Variants in VAV3 observed in about 807,000 individuals in gnomAD.
The protein encoded by VAV3 is vav guanine nucleotide exchange factor 3, also known as guanine nucleotide exchange factor VAV3.
Under a neutral mutation model 131.2 loss-of-function variants are expected in VAV3, and 94 were observed. That is an observed-to-expected ratio of 0.72 (90% confidence interval 0.61 to 0.85). The LOEUF is 0.85. Ranked by LOEUF, VAV3 falls within the 40% of genes least tolerant of loss-of-function variation. The probability of loss-of-function intolerance (pLI) is 0.00; values close to 1 mark genes in which losing one functional copy is unlikely to be tolerated. For missense variants in VAV3, 939 were observed against 1,002.7 expected (o/e 0.94, Z 0.86); for synonymous variants, 349 against 342.0 (o/e 1.02, Z -0.22).
intron 2 of VAV3, among the ~76,000 whole-genome samples, chr1:107,798,718 CAAAAAAAAAAAAAA>C (rs57288177): frequency 2.4e-4 from 12 of 49,534 alleles, no homozygotes; most frequent in South Asian, 1.1e-3. Context: ...GACTCCCTCT[CAAAAAAAAAAAAAA>C]AAAAAAAAAA....
intron 1 of VAV3, among the ~76,000 whole-genome samples, chr1:107,891,838 C>CCA (rs1491265304): frequency 3.9e-4 from 11 of 27,924 alleles, no homozygotes; most frequent in African/African-American, 1.2e-3. Context: ...GACTCCGTCT[C>CCA]AAAAAAAAAA....
chr1:107,751,161 A>C lies in VAV3; in HGVS notation c.1215T>G (p.Gly405=). 1 of 1,613,270 alleles carries C rather than the reference A, an allele frequency of 6.2e-7. No individual in the cohort carries two copies. The highest frequency in any genetic ancestry group is 8.5e-7 in the Non-Finnish European group (1 of 1,179,756). ...TGTCTAGAGTGGTTATTCGAATTTC[A>C]CCATCTCCCTGAGGTCGTCCAAAAA... ...VLLFGRPQGD[G]EIRITTLDKH... Residue 405 remains glycine, a synonymous_variant, in exon 13 of 27, where the codon GGT becomes GGG. Transcript: ENST00000370056.
chr1:107,755,348 A>G, intron 12 of VAV3, 79 bp downstream of exon 12: 5 of 1,098,784 alleles, frequency 4.6e-6, no homozygotes, highest in Non-Finnish European at 6.8e-6. Flanking sequence ...AAGGTAAACT[A>G]TGTTTTCTTC....
intron 15 of VAV3, among the ~76,000 whole-genome samples, chr1:107,742,897 C>T (rs1176484185): frequency 1.3e-5 from 2 of 152,140 alleles, no homozygotes; most frequent in Admixed American, 1.3e-4. Context: ...GTATTACTCA[C>T]TTAGCATAGG....
At chr1:107,658,636 C>A (rs1323331566) in intron 19 of VAV3, among the ~76,000 whole-genome samples, 3 of 152,038 alleles carry the variant, frequency 2.0e-5, no homozygotes, top group Non-Finnish European at 4.4e-5. Context: ...TTAATGACTG[C>A]CATTCTAACT....
At chr1:107,961,442 C>T (rs1012790439) in intron 1 of VAV3, among the ~76,000 whole-genome samples, 2 of 152,136 alleles carry the variant, frequency 1.3e-5, no homozygotes, top group Non-Finnish European at 1.5e-5. Flanking sequence ...CATTCACATG[C>T]TTTGTGTCCT....
Position 107,622,794 on chromosome 1 carries a change from G to T in VAV3, c.1915-5162C>A, listed in dbSNP as rs142637178. ...CACTTCCCGCTGTCAGAAATACACA[G>T]GTTGAGTGTTTGGGGAAAGAAGATG... On this transcript the variant is annotated intron_variant, in intron 20 of 26. Coordinates refer to ENST00000370056, the MANE Select transcript of VAV3 (RefSeq NM_006113.5). Among the ~76,000 whole-genome samples, 147 of 152,290 alleles carry T rather than the reference G, an allele frequency of 9.7e-4. 1 individual carries two copies. Among genetic ancestry groups the T allele is most frequent in the African/African-American group, 3.4e-3 (143 of 41,570 alleles).
intron 1 of VAV3, among the ~76,000 whole-genome samples, chr1:107,941,604 TTTTG>T (rs1674000135): frequency 6.6e-6 from 1 of 152,160 alleles, no homozygotes; most frequent in African/African-American, 2.4e-5. Context: ...AGTACTTCTG[TTTTG>T]TTTGTTTTGC....
intron 19 of VAV3, among the ~76,000 whole-genome samples, chr1:107,681,454 G>A (rs919452220): frequency 1.3e-5 from 2 of 152,094 alleles, no homozygotes; most frequent in Admixed American, 6.6e-5. Context: ...CTAACCAGCA[G>A]AAAGAGGCAG....
intron 2 of VAV3, among the ~76,000 whole-genome samples, chr1:107,790,272 T>A (rs763340682): frequency 6.6e-6 from 1 of 152,212 alleles, no homozygotes; most frequent in Non-Finnish European, 1.5e-5. Context: ...ACACATCAAC[T>A]GTTTGATTAT....
chr1:107,695,555 T>A (rs1467357539), intron 17 of VAV3, among the ~76,000 whole-genome samples: 11 of 152,110 alleles, frequency 7.2e-5, no homozygotes, highest in African/African-American at 2.7e-4. Context: ...CGGTAATGAC[T>A]AATGAGGTTG....
intron 1 of VAV3, among the ~76,000 whole-genome samples, chr1:107,946,902 G>A (rs1035988075): frequency 6.6e-6 from 1 of 152,074 alleles, no homozygotes; most frequent in South Asian, 2.1e-4. Flanking sequence ...CTTTTATTAA[G>A]AGTTTACAAC....
intron 15 of VAV3, among the ~76,000 whole-genome samples, chr1:107,721,566 G>A (rs142312683): frequency 7.9e-5 from 12 of 152,200 alleles, no homozygotes; most frequent in Admixed American, 1.3e-4. Flanking sequence ...CAGACACTTC[G>A]GAAGGAAAGA....
chr1:107,604,540 T>G (rs1015873727), intron 22 of VAV3, among the ~76,000 whole-genome samples: 3 of 152,166 alleles, frequency 2.0e-5, no homozygotes, highest in African/African-American at 7.2e-5. Flanking sequence ...CAAGCTCCTT[T>G]TGCGCTTAGG....
At chr1:107,875,482 A>G (rs553667588) in intron 1 of VAV3, among the ~76,000 whole-genome samples, 34 of 152,212 alleles carry the variant, frequency 2.2e-4, no homozygotes, top group Non-Finnish European at 3.5e-4. Flanking sequence ...ACCGTAGCAC[A>G]CAACAGCCCA....
intron 2 of VAV3, among the ~76,000 whole-genome samples, chr1:107,817,515 A>C (rs781423039): frequency 6.6e-6 from 1 of 152,218 alleles, no homozygotes; most frequent in Non-Finnish European, 1.5e-5. Flanking sequence ...TAGCATGAAA[A>C]GCCATCAAAA....
chr1:107,688,300 T>G, intron 18 of VAV3, 81 bp downstream of exon 18: 2 of 1,493,976 alleles, frequency 1.3e-6, no homozygotes, highest in South Asian at 2.4e-5. Flanking sequence ...CATTTAACAG[T>G]GTAAAAGCCC....
At chr1:107,617,421 AATG>A (rs1403949463) in intron 21 of VAV3, 143 bp downstream of exon 21, 1 of 633,744 alleles carries the variant, frequency 1.6e-6, no homozygotes, top group Non-Finnish European at 2.6e-6. Flanking sequence ...ATAGAACTAT[AATG>A]ATGTTGAAAA....
At chr1:107,944,504 G>A (rs191983043) in intron 1 of VAV3, among the ~76,000 whole-genome samples, 14 of 152,310 alleles carry the variant, frequency 9.2e-5, no homozygotes, top group African/African-American at 3.4e-4. Context: ...TTTGTTATAT[G>A]TTCAGTGCCT....
Sources: gnomAD v4.1 joint callset for allele counts (sites outside exome capture counted in the v4.1 genomes callset) on GRCh38, gnomAD v4.1.1 for gene constraint, MANE v1.5 for transcripts, NCBI Gene and HGNC (gene_info 2026-07-23, HGNC 2026-07-21) for gene names.